MBOAT2: variants seen among roughly 807,000 people sequenced by gnomAD.
MBOAT2 encodes membrane-bound glycerophospholipid O-acyltransferase 2.
Under a neutral mutation model 63.4 loss-of-function variants are expected in MBOAT2, and 28 were observed. The ratio of observed to expected loss-of-function variants is 0.44; its 90% CI spans 0.33 to 0.61. The LOEUF (loss-of-function observed/expected upper bound fraction) is 0.61. Among genes scored for constraint, MBOAT2 ranks in the 20% least tolerant of loss-of-function variants. The probability of loss-of-function intolerance (pLI) is 0.03; values close to 1 mark genes in which losing one functional copy is unlikely to be tolerated. For synonymous variants in MBOAT2, 211 were observed against 215.6 expected, an observed-to-expected ratio of 0.98 and a Z score of 0.19; for missense variants, 470 against 605.8, an observed-to-expected ratio of 0.78 and a Z score of 2.35.
intron 3 of MBOAT2, among the ~76,000 whole-genome samples, chr2:8,916,584 T>G (rs1217111351): frequency 6.6e-6 from 1 of 152,098 alleles, no homozygotes; most frequent in African/African-American, 2.4e-5. Context: ...CGAATTCTTC[T>G]CAAAAAAGGA....
At chr2:8,859,703 A>G (rs1661356217) in intron 12 of MBOAT2, among the ~76,000 whole-genome samples, 1 of 152,248 alleles carries the variant, frequency 6.6e-6, no homozygotes, top group Admixed American at 6.5e-5. Context: ...TTTATAAAAG[A>G]ATAAAGTTTT....
At chr2:8,934,402 A>G (rs1667519445) in intron 3 of MBOAT2, among the ~76,000 whole-genome samples, 3 of 152,168 alleles carry the variant, frequency 2.0e-5, no homozygotes, top group Admixed American at 1.3e-4. Flanking sequence ...GACACAACTA[A>G]TTCAAATCCT....
chr2:8,994,926 T>G (rs1334011132), intron 1 of MBOAT2, among the ~76,000 whole-genome samples: 1 of 152,204 alleles, frequency 6.6e-6, no homozygotes, highest in African/African-American at 2.4e-5. Flanking sequence ...GCATTTTAAG[T>G]AATTGAGTAT....
chr2:8,875,184 T>C (rs1411905930), intron 7 of MBOAT2, among the ~76,000 whole-genome samples: 1 of 152,190 alleles, frequency 6.6e-6, no homozygotes, highest in Non-Finnish European at 1.5e-5. Context: ...TGCACTTCAC[T>C]GATGCACAAG....
chr2:8,898,667 G>T (rs956869341), intron 4 of MBOAT2, among the ~76,000 whole-genome samples: 1 of 151,778 alleles, frequency 6.6e-6, no homozygotes, highest in African/African-American at 2.4e-5. Context: ...GCCAGTGCCT[G>T]ACCAAACAGG....
At chr2:8,954,193 T>TA (rs1186027404) in intron 2 of MBOAT2, among the ~76,000 whole-genome samples, 2 of 152,212 alleles carry the variant, frequency 1.3e-5, no homozygotes, top group Non-Finnish European at 2.9e-5. Context: ...TATAGCCCTA[T>TA]ACACTTCTTT....
chr2:8,863,110 A>G (rs1661604727), intron 10 of MBOAT2, among the ~76,000 whole-genome samples: 1 of 152,230 alleles, frequency 6.6e-6, no homozygotes, highest in Non-Finnish European at 1.5e-5. Flanking sequence ...TCCGGCAGAT[A>G]GACTGTGCTT....
chr2:8,943,268 TAA>T lies in MBOAT2; in HGVS notation c.222-6_222-5del. The T allele has an allele frequency of 6.5e-7, 1 of 1,546,164 alleles. No individual in the cohort carries two copies. Among genetic ancestry groups the T allele is most frequent in the Non-Finnish European group, 8.8e-7 (1 of 1,137,276 alleles). On this transcript the variant is annotated splice_region_variant and splice_polypyrimidine_tract_variant and intron_variant, in intron 2 of 12. Coordinates refer to ENST00000305997, the MANE Select transcript of MBOAT2 (RefSeq NM_138799.4). ...TACAAGAAAGTGTAAGGCATACCTATAAAAAGTAAGAGCACTATTAGAAGAGG... is the reference window on the plus strand; with the variant it reads ...TACAAGAAAGTGTAAGGCATACCTATAAAGTAAGAGCACTATTAGAAGAGG...
chr2:8,853,745 C>T lies in MBOAT2; in HGVS notation c.*4934G>A, dbSNP rs150116140. The T allele has an allele frequency of 2.6e-3, 397 of 152,162 alleles. 4 individuals carry two copies. Among genetic ancestry groups the T allele is most frequent in the African/African-American group, 8.8e-3 (367 of 41,504 alleles). The allele number at this position is 152,162 out of a possible 1,614,324, so 9.4% of individuals were successfully genotyped here. A position where few individuals can be genotyped will look rare whatever the true frequency, so the allele number is the denominator to read the frequency against. On this transcript the variant is annotated 3_prime_UTR_variant, in exon 13 of 13. Coordinates refer to ENST00000305997, the MANE Select transcript of MBOAT2 (RefSeq NM_138799.4). ...ATCACACTATAATTTACAGAACATA[C>T]AGTCTTAGTGTTGTATTTTTTCTTT...
chr2:8,863,403 C>G (rs762044895), intron 10 of MBOAT2, among the ~76,000 whole-genome samples: 1 of 151,994 alleles, frequency 6.6e-6, no homozygotes, highest in Non-Finnish European at 1.5e-5. Flanking sequence ...GAAGTAAATT[C>G]AAGATAGGGC....
At chr2:8,883,002 C>G (rs1663254530) in intron 5 of MBOAT2, among the ~76,000 whole-genome samples, 3 of 151,988 alleles carry the variant, frequency 2.0e-5, no homozygotes, top group Non-Finnish European at 4.4e-5. Context: ...GCATGAAAAC[C>G]AAACTCAAAT....
intron 8 of MBOAT2, among the ~76,000 whole-genome samples, chr2:8,869,568 T>C (rs554919144): frequency 2.0e-5 from 3 of 152,310 alleles, no homozygotes; most frequent in Admixed American, 6.5e-5. Context: ...CCTTAAATTG[T>C]TTTATTGTTT....
At chr2:8,919,969 T>C (rs1391364290) in intron 3 of MBOAT2, among the ~76,000 whole-genome samples, 1 of 152,160 alleles carries the variant, frequency 6.6e-6, no homozygotes, top group Non-Finnish European at 1.5e-5. Flanking sequence ...TCTCACTATG[T>C]TGCCCAGGCT....
At chr2:8,990,084 T>C (rs898802754) in intron 1 of MBOAT2, among the ~76,000 whole-genome samples, 5 of 152,182 alleles carry the variant, frequency 3.3e-5, no homozygotes, top group African/African-American at 1.2e-4. Context: ...TCATTTGCTA[T>C]ATCATCAAAC....
intron 3 of MBOAT2, among the ~76,000 whole-genome samples, chr2:8,926,937 G>C (rs1314558744): frequency 6.6e-6 from 1 of 152,188 alleles, no homozygotes; most frequent in Non-Finnish European, 1.5e-5. Flanking sequence ...TGCTCTAAAT[G>C]CTTTACAAAT....
At chr2:8,978,476 A>G (rs1018149471) in intron 1 of MBOAT2, among the ~76,000 whole-genome samples, 6 of 152,110 alleles carry the variant, frequency 3.9e-5, no homozygotes, top group African/African-American at 1.4e-4. Flanking sequence ...TTATCTGTTC[A>G]CTCATTCATT....
At chr2:8,915,558 G>A (rs557091823) in intron 3 of MBOAT2, among the ~76,000 whole-genome samples, 17 of 152,172 alleles carry the variant, frequency 1.1e-4, no homozygotes, top group African/African-American at 3.9e-4. Context: ...TTTGTTTACT[G>A]TCTGTACTCC....
chr2:9,002,006 G>T (rs1022767485), intron 1 of MBOAT2, among the ~76,000 whole-genome samples: 4 of 151,648 alleles, frequency 2.6e-5, no homozygotes, highest in Admixed American at 6.6e-5. Flanking sequence ...TATACTGGAA[G>T]TAGCCTATTT....
At chr2:8,906,352 C>T (rs1318577715) in intron 4 of MBOAT2, among the ~76,000 whole-genome samples, 2 of 152,206 alleles carry the variant, frequency 1.3e-5, no homozygotes, top group South Asian at 2.1e-4. Flanking sequence ...TATGAGGCCA[C>T]GTGACTCATG....
Sources: gnomAD v4.1 joint callset for allele counts (sites outside exome capture counted in the v4.1 genomes callset) on GRCh38, gnomAD v4.1.1 for gene constraint, MANE v1.5 for transcripts, NCBI Gene and HGNC (gene_info 2026-07-23, HGNC 2026-07-21) for gene names.